Variants in ITGA2B observed in about 807,000 individuals in gnomAD.
ITGA2B encodes the protein integrin alpha-IIb.
ITGA2B carries 91 observed loss-of-function variants against 142.0 expected under a neutral mutation model. The observed-to-expected ratio is 0.64, with a 90% CI of 0.54 to 0.76. The LOEUF (loss-of-function observed/expected upper bound fraction) is 0.76, where lower values mean the gene tolerates loss of function less well. Ranked by LOEUF, ITGA2B falls within the 30% of genes least tolerant of loss-of-function variation. The pLI is 0.00. For missense variants in ITGA2B, 1,231 were observed against 1,350.8 expected, an observed-to-expected ratio of 0.91 and a Z score of 1.39; for synonymous variants, 536 against 567.2, an observed-to-expected ratio of 0.94 and a Z score of 0.78.
At chr17:44,378,833 A>T (rs1406641399) in intron 18 of ITGA2B, 123 bp from the exon 19 acceptor site, 1 of 800,626 alleles carries the variant, frequency 1.2e-6, no homozygotes, top group Non-Finnish European at 2.1e-6. Context: ...AGAAGATCTG[A>T]GGACGAAAAG....
chr17:44,384,059 C>G (rs1000163641), intron 10 of ITGA2B, 26 bp downstream of exon 10: 1 of 1,613,794 alleles, frequency 6.2e-7, no homozygotes, highest in African/African-American at 1.3e-5. Context: ...TCCACCCAGC[C>G]ACGCCCACTG....
At chr17:44,384,831 T>C in intron 7 of ITGA2B, 117 bp downstream of exon 7, 1 of 1,530,232 alleles carries the variant, frequency 6.5e-7, no homozygotes, top group East Asian at 2.2e-5. Flanking sequence ...CGGGAGCGGC[T>C]TAGGCGGTGG....
At position 44,375,630 on chromosome 17, in the gene ITGA2B, C is replaced by A; in HGVS notation, c.2688G>T (p.Glu896Asp). The A allele has an allele frequency of 6.2e-7, 1 of 1,613,774 alleles. No homozygotes were observed. Among genetic ancestry groups the A allele is most frequent in the East Asian group, 2.2e-5 (1 of 44,862 alleles). Reference sequence around the variant, plus strand: ...CCTGAAGCCTCGAGGGCTGCTCGGGCTCTGGCAGGAAGATCTGTCTGCGAT... The same window carrying A: ...CCTGAAGCCTCGAGGGCTGCTCGGGATCTGGCAGGAAGATCTGTCTGCGAT... ...KRDRRQIFLP[E>D]PEQPSRLQDP... The change falls in exon 26 of 30, where the codon GAG becomes GAT. Residue 896 changes from glutamate to aspartate, a missense_variant. Coordinates refer to ENST00000262407, the MANE Select transcript of ITGA2B (RefSeq NM_000419.5).
In ITGA2B at chr17:44,389,398, C is replaced by T; in HGVS notation, c.76G>A (p.Ala26Thr). 6.2e-7 allele frequency: 1 copy of T among 1,614,172 alleles called. No individual in the cohort carries two copies. The highest frequency in any genetic ancestry group is 8.5e-7 in the Non-Finnish European group (1 of 1,180,018). Residue 26 changes from alanine to threonine, a missense_variant, in exon 1 of 30, where the codon GCC (alanine) becomes ACC (threonine). Coordinates refer to ENST00000262407, the MANE Select transcript of ITGA2B (RefSeq NM_000419.5). Reference protein sequence around the residue: ...WVLLLLGPCAAPPAWALNLDP... With the variant: ...WVLLLLGPCATPPAWALNLDP... Reference sequence around the variant, plus strand: ...AGGTTCAAGGCCCAGGCTGGAGGGGCAGCACAAGGTCCCAAGAGCAGCAGC... The same window carrying T: ...AGGTTCAAGGCCCAGGCTGGAGGGGTAGCACAAGGTCCCAAGAGCAGCAGC...
chr17:44,389,622 C>A lies in ITGA2B; in HGVS notation c.-149G>T. 1 of 851,496 alleles carries A rather than the reference C, an allele frequency of 1.2e-6. No individual in the cohort carries two copies. The highest frequency in any genetic ancestry group is 1.8e-6 in the Non-Finnish European group (1 of 549,548). The allele number at this position is 851,496 out of a possible 1,614,324, so 52.7% of individuals were successfully genotyped here. On this transcript the variant is annotated 5_prime_UTR_variant, in exon 1 of 30. Coordinates refer to ENST00000262407, the MANE Select transcript of ITGA2B (RefSeq NM_000419.5). ...AGAGCAAAGGGCTATAGCCCCTGGA[C>A]TCATGGTGGCTAGAATTGCCAGGAA... is the stretch of plus-strand genomic sequence containing the variant.
chr17:44,375,929 C>A lies in ITGA2B; in HGVS notation c.2505G>T (p.Pro835=). 2 of 1,613,856 alleles carry A rather than the reference C, an allele frequency of 1.2e-6. No individual in the cohort carries two copies. The highest frequency in any genetic ancestry group is 1.7e-6 in the Non-Finnish European group (2 of 1,179,970). The part of the protein sequence containing the change: ...VNGLHLSIHL[P]GQSQPSDLLY... Reference sequence around the variant, plus strand: ...GCAGGTCGGAGGGCTGGGACTGTCCCGGAAGGTGGATGCTGAGGTGAAGAC... The same window carrying A: ...GCAGGTCGGAGGGCTGGGACTGTCCAGGAAGGTGGATGCTGAGGTGAAGAC... Residue 835 remains proline, a synonymous_variant, in exon 25 of 30, where the codon CCG becomes CCT. Coordinates refer to ENST00000262407, the MANE Select transcript of ITGA2B (RefSeq NM_000419.5).
Position 44,379,779 on chromosome 17 carries a change from A to G in ITGA2B, c.1788T>C (p.Ile596=). ...GTAGGGACACATTGAGGCTGAGCAC[A>G]ATGGGGCTCAGCTTGTCCCGGAAGT... ...EADFRDKLSP[I]VLSLNVSLPP... The change falls in exon 18 of 30, where the codon ATT becomes ATC. Residue 596 remains isoleucine (I), a synonymous_variant. Coordinates refer to ENST00000262407, the MANE Select transcript of ITGA2B (RefSeq NM_000419.5). 1.9e-6 allele frequency: 3 copies of G among 1,613,792 alleles called. No individual in the cohort carries two copies. Among genetic ancestry groups the G allele is most frequent in the Non-Finnish European group, 2.5e-6 (3 of 1,179,962 alleles).
rs1314055019 is a variant in ITGA2B, at chr17:44,384,115, G to A, written c.915C>T (p.Tyr305=). The part of the protein sequence containing the change: ...LGAVEILDSY[Y]QRLHRLRGEQ... ...CTCCGCGCAGCCGATGCAGCCTCTG[G>A]TAGTAGGAATCCAAAATTTCCACCT... Residue 305 remains tyrosine, a synonymous_variant, in exon 10 of 30, where the codon TAC becomes TAT. Coordinates refer to ENST00000262407, the MANE Select transcript of ITGA2B (RefSeq NM_000419.5). The A allele has an allele frequency of 3.1e-6, 5 of 1,613,686 alleles. No homozygotes were observed. Among genetic ancestry groups the A allele is most frequent in the Admixed American group, 1.7e-5 (1 of 60,008 alleles).
chr17:44,388,523 ATT>A (rs544835449), intron 1 of ITGA2B, among the ~76,000 whole-genome samples: 1 of 133,338 alleles, frequency 7.5e-6, no homozygotes, highest in South Asian at 2.4e-4. Flanking sequence ...CGCCCGGCTA[ATT>A]TTTTTTTTTT....
At chr17:44,377,141 C>G in intron 21 of ITGA2B, 53 bp from the exon 22 acceptor site, 1 of 1,353,332 alleles carries the variant, frequency 7.4e-7, no homozygotes, top group Non-Finnish European at 1.0e-6. Context: ...CTTAGGACAG[C>G]CCTGCCCTGA....
intron 1 of ITGA2B, 61 bp downstream of exon 1, chr17:44,389,225 G>A: frequency 1.3e-6 from 2 of 1,570,268 alleles, no homozygotes; most frequent in Non-Finnish European, 1.8e-6. Context: ...GAAGCCCCCA[G>A]AAGCAGTGAT....
chr17:44,376,064 G>C (rs1473910239), intron 24 of ITGA2B, 21 bp downstream of exon 24: 1 of 1,614,096 alleles, frequency 6.2e-7, no homozygotes, highest in Middle Eastern at 1.6e-4. Flanking sequence ...CCCCAGCCAG[G>C]GACGCGAGGC....
Position 44,380,974 on chromosome 17 carries a change from C to T in ITGA2B, c.1298G>A (p.Arg433His), listed in dbSNP as rs557705725. 28 of 1,613,824 alleles carry T rather than the reference C, an allele frequency of 1.7e-5. No homozygotes were observed. Among genetic ancestry groups the T allele is most frequent in the African/African-American group, 5.3e-5 (4 of 75,050 alleles). Residue 433 changes from arginine to histidine, a missense_variant, in exon 13 of 30, where the codon CGT (arginine) becomes CAT (histidine). Arg to His is a conservative substitution (Grantham distance 29). Transcript: ENST00000262407. The part of the protein sequence containing the change: ...FLGQSEGLRS[R>H]PSQVLDSPFP... ...GGGGCTGTCCAGGACCTGGGAGGGA[C>T]GTGACCTCAGCCCCTCACTCTGACC... is the stretch of plus-strand genomic sequence containing the variant.
chr17:44,385,578 T>G lies in ITGA2B; in HGVS notation c.547A>C (p.Ser183Arg). The change falls in exon 4 of 30, where the codon AGC (serine) becomes CGC (arginine). Residue 183 changes from serine to arginine, a missense_variant. Around this residue, in one of 3 missense-constraint regions of ITGA2B, gnomAD observed 318 missense variants for 312.2 expected, o/e 1.02. Coordinates refer to ENST00000262407, the MANE Select transcript of ITGA2B (RefSeq NM_000419.5). The part of the protein sequence containing the change: ...EYSPCRGNTL[S>R]RIYVENDFSW... The stretch of plus-strand genomic sequence containing the variant: ...AAATCATTTTCCACGTAAATGCGGC[T>G]CAGGGTGTTCCCGCGACAGGGGGAG... 1 of 1,604,456 alleles carries G rather than the reference T, an allele frequency of 6.2e-7. No individual in the cohort carries two copies. The highest frequency in any genetic ancestry group is 8.5e-7 in the Non-Finnish European group (1 of 1,177,150).
intron 29 of ITGA2B, among the ~76,000 whole-genome samples, chr17:44,373,176 C>T (rs891066283): frequency 6.6e-6 from 1 of 151,988 alleles, no homozygotes; most frequent in African/African-American, 2.4e-5. Context: ...GATGAAATCT[C>T]ACCCAGGCTG....
intron 29 of ITGA2B, chr17:44,374,092 G>C: frequency 2.3e-6 from 1 of 443,346 alleles, no homozygotes; most frequent in Non-Finnish European, 4.2e-6. Context: ...TTTTAGTAGA[G>C]ATGGGGTTTC....
chr17:44,375,818 C>T lies in ITGA2B; in HGVS notation c.2601+15G>A. On this transcript the variant is annotated intron_variant, in intron 25 of 29. Transcript: ENST00000262407. ...GGGGCCGCCTTCCCAGGTCTTTCTT[C>T]CACCCAGCTCTTACCTTGAGAGGGT... 6.4e-7 allele frequency: 1 copy of T among 1,567,252 alleles called. No homozygotes were observed. The highest frequency in any genetic ancestry group is 8.7e-7 in the Non-Finnish European group (1 of 1,155,250).
At position 44,376,159 on chromosome 17, in the gene ITGA2B, C is replaced by T; in HGVS notation, c.2374G>A (p.Val792Met). Reference protein sequence around the residue: ...RGNSFPASLVVAAEEGEREQN... With the variant: ...RGNSFPASLVMAAEEGEREQN... ...TCCCTCTCACCTTCTTCTGCTGCCACCACCAGGGAGGCTGGAAAGGAGTTC... is the reference window on the plus strand; with the variant it reads ...TCCCTCTCACCTTCTTCTGCTGCCATCACCAGGGAGGCTGGAAAGGAGTTC... Residue 792 changes from valine to methionine, a missense_variant, in exon 24 of 30, where the codon GTG becomes ATG. Val to Met is a conservative substitution (Grantham distance 21). Around this residue, in one of 3 missense-constraint regions of ITGA2B, gnomAD observed 908 missense variants for 1,021.1 expected, o/e 0.89. Coordinates refer to ENST00000262407, the MANE Select transcript of ITGA2B (RefSeq NM_000419.5). 6.2e-7 allele frequency: 1 copy of T among 1,614,210 alleles called. No individual in the cohort carries two copies. The highest frequency in any genetic ancestry group is 1.3e-5 in the African/African-American group (1 of 75,038).
chr17:44,384,174 T>C (rs1841426082), intron 9 of ITGA2B, 36 bp from the exon 10 acceptor site: 2 of 1,608,786 alleles, frequency 1.2e-6, no homozygotes, highest in African/African-American at 1.3e-5. Context: ...ATCATTCTTG[T>C]ACCCAAAGCA....
Sources: gnomAD v4.1 joint callset for allele counts (sites outside exome capture counted in the v4.1 genomes callset) on GRCh38, gnomAD v4.1.1 for gene constraint, gnomAD v4.1.1 regional missense constraint, MANE v1.5 for transcripts, NCBI Gene and HGNC (gene_info 2026-07-23, HGNC 2026-07-21) for gene names.